Variants in PCDHGA4 observed in about 807,000 individuals in gnomAD.
PCDHGA4 encodes the protein protocadherin gamma subfamily A, 4.
In PCDHGA4, 38 loss-of-function variants were observed where a neutral mutation model predicts 54.6. The observed-to-expected ratio is 0.70, with a 90% CI of 0.54 to 0.91. PCDHGA4 has a LOEUF of 0.91. PCDHGA4 is among the 40% of genes least tolerant of loss of function. The pLI, the probability that PCDHGA4 is intolerant of heterozygous loss-of-function variation, is 0.00. For synonymous variants in PCDHGA4, 511 were observed against 512.9 expected (o/e 1.00, Z 0.05); for missense variants, 1,298 against 1,220.9 (o/e 1.06, Z -0.94).
chr5:141,390,965 A>G (rs2092279401), intron 1 of PCDHGA4: 1 of 152,252 alleles, frequency 6.6e-6, no homozygotes, highest in Admixed American at 6.5e-5. Context: ...TACTTGTAAC[A>G]TAGGAGTTTC....
At position 141,413,510 on chromosome 5, in the gene PCDHGA4, T is replaced by G. The variant is rs372002880; in HGVS notation, c.2514+55889T>G. On this transcript the variant is annotated intron_variant, in intron 1 of 3. Transcript: ENST00000571252. ...GCGCGGTGCGTGGTGAGTTTTAATA[T>G]CCTTGTGGAAGACAGGGTGAAACTT... The G allele has an allele frequency of 5.4e-5, 87 of 1,613,876 alleles. No individual in the cohort carries two copies. Among genetic ancestry groups the G allele is most frequent in the Middle Eastern group, 1.6e-4 (1 of 6,084 alleles).
In PCDHGA4 at chr5:141,392,850, C is replaced by T. The variant is rs752526573; in HGVS notation, c.2514+35229C>T. ...ACAGAGTCGCCCCAGACGCGGCGAG[C>T]TGATCCTGCTGTGCGCGCTGCTGGG... On this transcript the variant is annotated intron_variant, in intron 1 of 3. Coordinates refer to ENST00000571252, the MANE Select transcript of PCDHGA4 (RefSeq NM_018917.4). The T allele has an allele frequency of 3.1e-6, 5 of 1,610,550 alleles. No homozygotes were observed. In the African/African-American group the frequency reaches 5.3e-5, roughly 17 times the overall value.
At chr5:141,428,082 G>C (rs776612130) in intron 1 of PCDHGA4, 2 of 1,609,030 alleles carry the variant, frequency 1.2e-6, no homozygotes, top group Non-Finnish European at 8.5e-7. Flanking sequence ...GGGACACAAC[G>C]CTTGGCTGTC....
intron 1 of PCDHGA4, chr5:141,383,027 C>T (rs752703068): frequency 1.2e-6 from 2 of 1,613,838 alleles, no homozygotes; most frequent in Admixed American, 1.7e-5. Context: ...GACAAAGGGT[C>T]CTTTGTGGGA....
intron 1 of PCDHGA4, chr5:141,415,489 C>G: frequency 6.2e-7 from 1 of 1,614,220 alleles, no homozygotes; most frequent in Non-Finnish European, 8.5e-7. Flanking sequence ...AAAGAGTCAC[C>G]TGATCTTCCC....
intron 1 of PCDHGA4, chr5:141,421,683 A>G (rs1238944281): frequency 1.2e-6 from 2 of 1,613,758 alleles, no homozygotes; most frequent in African/African-American, 1.3e-5. Flanking sequence ...CTGGGGCGCG[A>G]TTTGCTCTTC....
rs549955923 is a variant in PCDHGA4, at chr5:141,409,897, A to G, written c.2514+52276A>G. 8.7e-6 allele frequency: 14 copies of G among 1,613,204 alleles called. No individual in the cohort carries two copies. The South Asian group carries it at 1.3e-4, about 15-fold the overall frequency. On this transcript the variant is annotated intron_variant, in intron 1 of 3. Coordinates refer to ENST00000571252, the MANE Select transcript of PCDHGA4 (RefSeq NM_018917.4). ...ACAACGCACCGCGGGTGCTGTACCC[A>G]GCTCTGGGTCCTGACGGCTCCGCGT...
At chr5:141,423,160 G>A (rs1272708122) in intron 1 of PCDHGA4, 16 of 1,613,046 alleles carry the variant, frequency 9.9e-6, no homozygotes, top group Non-Finnish European at 1.2e-5. Flanking sequence ...GAGCCTCGTG[G>A]TGGCCGTCCA....
At chr5:141,402,816 C>A (rs1009078444) in intron 1 of PCDHGA4, 4 of 1,261,760 alleles carry the variant, frequency 3.2e-6, no homozygotes, top group South Asian at 3.4e-5. Flanking sequence ...ATACCACAAA[C>A]CTGCTCCCAG....
intron 1 of PCDHGA4, chr5:141,393,007 G>C: frequency 6.2e-7 from 1 of 1,613,850 alleles, no homozygotes; most frequent in Non-Finnish European, 8.5e-7. Context: ...CACGGAGTCC[G>C]TATCGTCTCC....
At chr5:141,501,238 G>A (rs1482962385) in intron 2 of PCDHGA4, among the ~76,000 whole-genome samples, 2 of 151,018 alleles carry the variant, frequency 1.3e-5, no homozygotes, top group African/African-American at 4.9e-5. Flanking sequence ...AGTTTTTTGA[G>A]CATGATGTAG....
chr5:141,390,179 A>G (rs1561630532), intron 1 of PCDHGA4: 1 of 1,614,044 alleles, frequency 6.2e-7, no homozygotes, highest in African/African-American at 1.3e-5. Flanking sequence ...TTAATTTCCT[A>G]AAATGTAGTG....
intron 1 of PCDHGA4, among the ~76,000 whole-genome samples, chr5:141,436,677 G>T (rs966497986): frequency 2.2e-4 from 33 of 152,278 alleles, no homozygotes; most frequent in Non-Finnish European, 2.9e-5. Flanking sequence ...CCAAAAAAAG[G>T]ATTTATATTT....
intron 1 of PCDHGA4, among the ~76,000 whole-genome samples, chr5:141,450,976 C>T (rs2098702750): frequency 6.6e-6 from 1 of 152,032 alleles, no homozygotes; most frequent in Admixed American, 6.6e-5. Flanking sequence ...AGGCATGTGC[C>T]ACCACACCCG....
chr5:141,481,183 G>A (rs2099533234), intron 1 of PCDHGA4, among the ~76,000 whole-genome samples: 1 of 152,146 alleles, frequency 6.6e-6, no homozygotes, highest in African/African-American at 2.4e-5. Flanking sequence ...GCTTTATTGG[G>A]CCAGGCCCAA....
In PCDHGA4 at chr5:141,505,438, T is replaced by C. The variant is rs149352680; in HGVS notation, c.2619T>C (p.Phe873=). The C allele has an allele frequency of 6.8e-6, 11 of 1,614,046 alleles. No homozygotes were observed. The African/African-American group carries it at 1.5e-4, about 22-fold the overall frequency. The stretch of plus-strand genomic sequence containing the variant: ...CCGGCACCTGGCCCAACAACCAGTT[T>C]GACACAGAGATGCTGCAAGCCATGA... ...DDTGTWPNNQ[F]DTEMLQAMIL... Residue 873 remains phenylalanine, a synonymous_variant, in exon 3 of 4, where the codon TTT becomes TTC. Transcript: ENST00000571252.
At chr5:141,403,789 C>G (rs1230029917) in intron 1 of PCDHGA4, 1 of 1,613,864 alleles carries the variant, frequency 6.2e-7, no homozygotes. Context: ...AAGTGGCATA[C>G]AAATTCTGGA....
At chr5:141,469,543 C>G (rs1031152008) in intron 1 of PCDHGA4, among the ~76,000 whole-genome samples, 4 of 152,040 alleles carry the variant, frequency 2.6e-5, no homozygotes, top group Non-Finnish European at 4.4e-5. Flanking sequence ...CCACTGCACT[C>G]CAGCCTGGCG....
intron 1 of PCDHGA4, chr5:141,405,031 CGTT>C: frequency 6.2e-7 from 1 of 1,613,968 alleles, no homozygotes; most frequent in Admixed American, 1.7e-5. Flanking sequence ...CCCTCTACCT[CGTT>C]GTGGCTGTGG....
Sources: gnomAD v4.1 joint callset for allele counts (sites outside exome capture counted in the v4.1 genomes callset) on GRCh38, gnomAD v4.1.1 for gene constraint, MANE v1.5 for transcripts, NCBI Gene and HGNC (gene_info 2026-07-23, HGNC 2026-07-21) for gene names.